PPP2R3B: variants seen among roughly 807,000 people sequenced by gnomAD.
The protein encoded by PPP2R3B is serine/threonine-protein phosphatase 2A regulatory subunit B'' subunit beta.
PPP2R3B carries 68 observed loss-of-function variants against 72.9 expected under a neutral mutation model. The observed-to-expected ratio is 0.93, with a 90% confidence interval of 0.77 to 1.14. The LOEUF is 1.14. Among genes scored for constraint, PPP2R3B ranks in the 50% most tolerant of loss-of-function variants. The pLI is 0.00. For synonymous variants in PPP2R3B, 466 were observed against 375.8 expected, an observed-to-expected ratio of 1.24 and a Z score of -2.78; for missense variants, 1,018 against 842.0, an observed-to-expected ratio of 1.21 and a Z score of -2.59.
chrX:385,257 A>C (rs2072220170), intron 1 of PPP2R3B, among the ~76,000 whole-genome samples: 1 of 150,860 alleles, frequency 6.6e-6, no homozygotes, highest in African/African-American at 2.4e-5. Flanking sequence ...ACACTTGGCC[A>C]ACCCACTCAG....
chrX:346,755 C>A lies in PPP2R3B; in HGVS notation c.738G>T (p.Pro246=). The A allele has an allele frequency of 6.2e-7, 1 of 1,610,384 alleles. No homozygotes were observed. Among genetic ancestry groups the A allele is most frequent in the Non-Finnish European group, 8.5e-7 (1 of 1,178,734 alleles). The part of the protein sequence containing the change: ...PFLQDVVNTH[P]GLSFLKEASE... ...ACGCCTCCTTCAGGAACGACAGCCC[C>A]GGGTGCGTGTTCACCACGTCCTGCG... The change falls in exon 5 of 13, where the codon CCG becomes CCT. Residue 246 remains proline (P), a synonymous_variant. Transcript: ENST00000390665.
chrX:373,544 C>T, intron 1 of PPP2R3B: 1 of 241,602 alleles, frequency 4.1e-6, no homozygotes. Flanking sequence ...GCTGGAAGGC[C>T]TTCAGCCGCT....
chrX:379,637 T>C (rs994817716), intron 1 of PPP2R3B, among the ~76,000 whole-genome samples: 3 of 152,220 alleles, frequency 2.0e-5, no homozygotes, highest in African/African-American at 7.2e-5. Flanking sequence ...AATAAACAGA[T>C]AGAAACTTAA....
intron 1 of PPP2R3B, among the ~76,000 whole-genome samples, chrX:385,286 CT>C (rs1205880349): frequency 7.1e-6 from 1 of 141,458 alleles, no homozygotes; most frequent in Non-Finnish European, 1.5e-5. Flanking sequence ...CCCGTCTCAT[CT>C]TTTCTTCCCT....
intron 1 of PPP2R3B, among the ~76,000 whole-genome samples, chrX:385,601 T>C (rs776273445): frequency 4.6e-5 from 7 of 152,076 alleles, no homozygotes; most frequent in South Asian, 2.1e-4. Context: ...CTAGGTAACA[T>C]AGCAAGACCT....
chrX:357,590 G>T (rs2738327), intron 2 of PPP2R3B, among the ~76,000 whole-genome samples: 40,676 of 152,000 alleles, frequency 0.27, 5,726 homozygotes, highest in East Asian at 0.39. Context: ...ATACGATCAA[G>T]ATTTTGTAAA....
chrX:346,680 G>T (rs757335295), intron 5 of PPP2R3B, 21 bp downstream of exon 5: 7 of 1,596,954 alleles, frequency 4.4e-6, no homozygotes, highest in South Asian at 2.2e-5. Flanking sequence ...GGAACCGACG[G>T]CCCCTCCGCT....
intron 5 of PPP2R3B, chrX:346,490 T>G (rs1173498516): frequency 6.4e-6 from 4 of 626,908 alleles, no homozygotes; most frequent in Non-Finnish European, 1.1e-5. Flanking sequence ...CCAGGACAGG[T>G]GGGAAGGGGG....
Position 341,598 on chromosome X carries a change from G to C in PPP2R3B, c.1086-202C>G, listed in dbSNP as rs1041448967. On this transcript the variant is annotated intron_variant, in intron 8 of 12. Transcript: ENST00000390665. ...AGGGTTTTCCCCAGATCCAGGCAGG[G>C]TCAGGAGTGCACCTTCGTTACTGCT... 6 of 663,772 alleles carry C rather than the reference G, an allele frequency of 9.0e-6. No homozygotes were observed. In the African/African-American group the frequency reaches 1.1e-4, roughly 12 times the overall value. The allele number at this position is 663,772 out of a possible 1,614,324, so 41.1% of individuals were successfully genotyped here.
At chrX:366,566 A>T (rs183602680) in intron 1 of PPP2R3B, among the ~76,000 whole-genome samples, 1 of 4,294 alleles carries the variant, frequency 2.3e-4, no homozygotes, top group Non-Finnish European at 3.9e-4. Context: ...GGTGTGGTGG[A>T]GGGTGCCTGT....
rs550050738 is a variant in PPP2R3B, at chrX:338,853, G to A, written c.1395C>T (p.Asn465=). 41 of 1,612,492 alleles carry A rather than the reference G, an allele frequency of 2.5e-5. No individual in the cohort carries two copies. The highest frequency in any genetic ancestry group is 1.8e-4 in the South Asian group (16 of 91,082). ...LQDLKRCKLA[N]VFFDTFFNIE... Reference sequence around the variant, plus strand: ...TGTTGAAGAAGGTGTCGAAGAAGACGTTAGCCAGCTTGCAGCGCTTCAGGT... The same window carrying A: ...TGTTGAAGAAGGTGTCGAAGAAGACATTAGCCAGCTTGCAGCGCTTCAGGT... The change falls in exon 11 of 13, where the codon AAC becomes AAT. Residue 465 remains asparagine, a synonymous_variant. Coordinates refer to ENST00000390665, the MANE Select transcript of PPP2R3B (RefSeq NM_013239.5).
intron 2 of PPP2R3B, 75 bp downstream of exon 2, chrX:361,330 C>A: frequency 6.5e-7 from 1 of 1,548,074 alleles, no homozygotes; most frequent in Non-Finnish European, 8.8e-7. Flanking sequence ...ACGCACCCAC[C>A]ACGGCCGCTC....
chrX:364,751 C>CGG (rs1556215436), intron 1 of PPP2R3B, among the ~76,000 whole-genome samples: 45 of 74,640 alleles, frequency 6.0e-4, no homozygotes, highest in South Asian at 1.8e-3. Context: ...GGTGTGGTGG[C>CGG]GCATGCCTGT....
Position 334,373 on chromosome X carries a change from C to G in PPP2R3B, c.1722G>C (p.Pro574=), listed in dbSNP as rs752965817. The G allele has an allele frequency of 1.1e-5, 16 of 1,505,542 alleles. No individual in the cohort carries two copies. Among genetic ancestry groups the G allele is most frequent in the Admixed American group, 7.0e-5 (3 of 42,788 alleles). 93.3% of individuals were successfully genotyped at this position (1,505,542 alleles called of 1,614,324 possible). Residue 574 remains proline (P), a synonymous_variant, in exon 13 of 13, where the codon CCG becomes CCC. Coordinates refer to ENST00000390665, the MANE Select transcript of PPP2R3B (RefSeq NM_013239.5). ...EYACGDEDLE[P]L is the part of the protein sequence containing the mutation. Reference sequence around the variant, plus strand: ...GGCGTTCTCGCGGGCGGCGTCACAGCGGCTCCAGGTCCTCGTCCCCGCATG... The same window carrying G: ...GGCGTTCTCGCGGGCGGCGTCACAGGGGCTCCAGGTCCTCGTCCCCGCATG...
intron 1 of PPP2R3B, among the ~76,000 whole-genome samples, chrX:369,931 C>A (rs764200058): frequency 2.5e-4 from 38 of 152,232 alleles, no homozygotes; most frequent in African/African-American, 9.1e-4. Flanking sequence ...GGGGTTTGGC[C>A]GGGACGCACA....
At chrX:346,137 C>T in intron 6 of PPP2R3B, 37 bp downstream of exon 6, 2 of 1,427,598 alleles carry the variant, frequency 1.4e-6, no homozygotes, top group Non-Finnish European at 1.8e-6. Flanking sequence ...GGGGTAGGGA[C>T]AAGGCAGGGG....
At chrX:352,597 C>T (rs1323606797) in intron 2 of PPP2R3B, among the ~76,000 whole-genome samples, 2 of 112,266 alleles carry the variant, frequency 1.8e-5, no homozygotes, top group African/African-American at 3.4e-5. Context: ...TCCATTATGG[C>T]TCTGCTGACC....
intron 1 of PPP2R3B, among the ~76,000 whole-genome samples, chrX:384,280 C>CTATATA (rs202088659): frequency 2.1e-5 from 3 of 146,194 alleles, no homozygotes; most frequent in African/African-American, 7.7e-5. Context: ...CTCTCTCTCT[C>CTATATA]TCTATATATA....
intron 1 of PPP2R3B, among the ~76,000 whole-genome samples, chrX:362,683 CAG>C (rs2071567081): frequency 1.3e-5 from 2 of 152,228 alleles, no homozygotes; most frequent in South Asian, 4.1e-4. Flanking sequence ...GTCCGCATAC[CAG>C]TGGACCACAG....
Sources: allele counts gnomAD v4.1 joint callset (sites outside exome capture counted in the v4.1 genomes callset), GRCh38; gene constraint gnomAD v4.1.1; transcripts MANE v1.5; gene names NCBI Gene and HGNC (gene_info 2026-07-23, HGNC 2026-07-21).